The following LRPPRC variants were observed in gnomAD, a reference collection of about 807,000 sequenced individuals.
The protein encoded by LRPPRC is leucine-rich PPR motif-containing protein, mitochondrial.
A neutral mutation model predicts 180.3 loss-of-function variants in LRPPRC; 120 were observed. The observed-to-expected ratio is 0.67, with a 90% confidence interval of 0.57 to 0.77. The LOEUF (loss-of-function observed/expected upper bound fraction) is 0.77, where lower values mean the gene tolerates loss of function less well. LRPPRC is among the 30% of genes least tolerant of loss of function. LRPPRC has a pLI of 0.00. For synonymous variants in LRPPRC, 723 were observed against 600.0 expected (o/e 1.21, Z -3.00); for missense variants, 2,012 against 1,657.2 (o/e 1.21, Z -3.72).
In LRPPRC at chr2:43,899,286, G is replaced by A. The variant is rs373493081; in HGVS notation, c.3758C>T (p.Pro1253Leu). The A allele has an allele frequency of 8.1e-6, 13 of 1,614,144 alleles. No individual in the cohort carries two copies. Among genetic ancestry groups the A allele is most frequent in the Admixed American group, 1.7e-5 (1 of 60,034 alleles). The change falls in exon 34 of 38, where the codon CCT becomes CTT. Residue 1253 changes from proline to leucine, a missense_variant. Physicochemically the swap from Pro to Leu is moderately conservative, Grantham distance 98. Coordinates refer to ENST00000260665, the MANE Select transcript of LRPPRC (RefSeq NM_133259.4). ...AAGTTGAAGGAAAAAATCAGTGACA[G>A]GTTTATAAATTGCAAACTGATTGGC... ...RLANQFAIYK[P>L]VTDFFLQLVD...
At chr2:43,977,749 T>C (rs1674124954) in intron 3 of LRPPRC, among the ~76,000 whole-genome samples, 2 of 152,142 alleles carry the variant, frequency 1.3e-5, no homozygotes, top group East Asian at 1.9e-4. Context: ...ATGAACATGA[T>C]CTATGGTATG....
chr2:43,899,314 A>G lies in LRPPRC; in HGVS notation c.3730T>C (p.Leu1244=). ...VEKISIMAER[L]ANQFAIYKPV... is the part of the protein sequence containing the mutation. ...TTATAAATTGCAAACTGATTGGCCA[A>G]TCTCTCCGCCATGATGCTTACTGGA... Residue 1244 remains leucine, a synonymous_variant, in exon 34 of 38, where the codon TTG becomes CTG. Transcript: ENST00000260665. 6.2e-7 allele frequency: 1 copy of G among 1,614,048 alleles called. No homozygotes were observed. The highest frequency in any genetic ancestry group is 8.5e-7 in the Non-Finnish European group (1 of 1,179,912).
chr2:43,921,298 A>T (rs1308695311), intron 27 of LRPPRC, among the ~76,000 whole-genome samples: 1 of 152,162 alleles, frequency 6.6e-6, no homozygotes, highest in Non-Finnish European at 1.5e-5. Context: ...ACAAATAAGG[A>T]CTAAAATAAA....
chr2:43,982,345 G>C lies in LRPPRC; in HGVS notation c.239C>G (p.Ser80Cys). Residue 80 changes from serine to cysteine, a missense_variant, in exon 2 of 38, where the codon TCC becomes TGC. Coordinates refer to ENST00000260665, the MANE Select transcript of LRPPRC (RefSeq NM_133259.4). ...EESTFSSRKI[S>C]NQFDWALMRL... ...CATTAGAGCCCAATCAAACTGATTGGAAATCTTCCTAGAAGAAAAAGTGGA... is the reference window on the plus strand; with the variant it reads ...CATTAGAGCCCAATCAAACTGATTGCAAATCTTCCTAGAAGAAAAAGTGGA... 1.2e-6 allele frequency: 2 copies of C among 1,613,556 alleles called. No individual in the cohort carries two copies. Among genetic ancestry groups the C allele is most frequent in the African/African-American group, 2.7e-5 (2 of 75,012 alleles).
At chr2:43,889,017 C>A (rs540605226) in intron 37 of LRPPRC, among the ~76,000 whole-genome samples, 1 of 152,166 alleles carries the variant, frequency 6.6e-6, no homozygotes, top group Non-Finnish European at 1.5e-5. Context: ...TATGTGATTT[C>A]TCTTATTAAA....
At chr2:43,953,933 G>A (rs1354581344) in intron 14 of LRPPRC, among the ~76,000 whole-genome samples, 2 of 152,200 alleles carry the variant, frequency 1.3e-5, no homozygotes, top group African/African-American at 4.8e-5. Context: ...ACTTTGGGAG[G>A]CCAAGGCTGG....
At chr2:43,982,057 G>A (rs746368570) in intron 2 of LRPPRC, among the ~76,000 whole-genome samples, 181 bp downstream of exon 2, 11 of 152,058 alleles carry the variant, frequency 7.2e-5, no homozygotes, top group South Asian at 2.1e-4. Context: ...ACAGGCACGC[G>A]CCACCATGCC....
chr2:43,971,280 A>T (rs1673792166), intron 11 of LRPPRC, among the ~76,000 whole-genome samples: 1 of 151,898 alleles, frequency 6.6e-6, no homozygotes, highest in Non-Finnish European at 1.5e-5. Flanking sequence ...AGTCAGGCCA[A>T]CTGGCTAGAG....
chr2:43,987,474 G>A (rs181477031), intron 1 of LRPPRC, among the ~76,000 whole-genome samples: 40 of 112,674 alleles, frequency 3.6e-4, no homozygotes, highest in African/African-American at 1.4e-3. Context: ...CAGGCCGGGC[G>A]ACAGAGCCAG....
At chr2:43,948,260 G>T (rs1459504019) in intron 17 of LRPPRC, 61 bp from the exon 18 acceptor site, 3 of 1,007,182 alleles carry the variant, frequency 3.0e-6, no homozygotes, top group Non-Finnish European at 4.8e-6. Flanking sequence ...ACTGAAATTT[G>T]TCTAACAGAA....
At chr2:43,904,001 G>A (rs1670977841) in intron 31 of LRPPRC, 1 of 152,216 alleles carries the variant, frequency 6.6e-6, no homozygotes, top group Admixed American at 6.6e-5. Context: ...TGAGTGCAGT[G>A]GCACCATCAT....
chr2:43,965,637 A>G (rs1045248939), intron 11 of LRPPRC, among the ~76,000 whole-genome samples: 1 of 152,212 alleles, frequency 6.6e-6, no homozygotes, highest in Non-Finnish European at 1.5e-5. Context: ...TACCTAAAAT[A>G]TATAATAAGG....
intron 11 of LRPPRC, among the ~76,000 whole-genome samples, chr2:43,966,414 ATT>A (rs70965324): frequency 6.8e-6 from 1 of 147,180 alleles, no homozygotes; most frequent in Non-Finnish European, 1.5e-5. Flanking sequence ...TGGCCACAAT[ATT>A]TTTTTTTTTT....
intron 36 of LRPPRC, among the ~76,000 whole-genome samples, chr2:43,892,130 G>GATT: frequency 6.6e-6 from 1 of 152,344 alleles, no homozygotes; most frequent in East Asian, 1.9e-4. Context: ...AGCAAATGCT[G>GATT]ATGCAGAAGC....
intron 30 of LRPPRC, among the ~76,000 whole-genome samples, chr2:43,908,383 A>G (rs556383920): frequency 6.6e-6 from 1 of 152,364 alleles, no homozygotes; most frequent in African/African-American, 2.4e-5. Context: ...AGTTACTATT[A>G]CTTTAGAGGT....
At chr2:43,908,817 G>A (rs1490345990) in intron 30 of LRPPRC, among the ~76,000 whole-genome samples, 4 of 152,166 alleles carry the variant, frequency 2.6e-5, no homozygotes, top group Non-Finnish European at 5.9e-5. Flanking sequence ...ACGAACCACT[G>A]AGCCACCATG....
intron 11 of LRPPRC, among the ~76,000 whole-genome samples, chr2:43,967,105 A>T (rs909359170): frequency 2.6e-5 from 4 of 152,064 alleles, no homozygotes; most frequent in African/African-American, 9.7e-5. Context: ...ATGTGTACAC[A>T]TATCAAAATG....
intron 34 of LRPPRC, among the ~76,000 whole-genome samples, chr2:43,898,412 G>A (rs543354160): frequency 1.3e-5 from 2 of 152,096 alleles, no homozygotes; most frequent in African/African-American, 2.4e-5. Flanking sequence ...TTGGTCCCAC[G>A]CCTCAATTTG....
rs962269057 is a variant in LRPPRC at position 43,960,679 on chromosome 2, A to G, written c.1489-45T>C. 4.4e-6 allele frequency: 4 copies of G among 899,394 alleles called. No homozygotes were observed. In the Admixed American group the frequency reaches 5.1e-5, roughly 11 times the overall value. The allele number at this position is 899,394 out of a possible 1,614,324, so 55.7% of individuals were successfully genotyped here. A position where few individuals can be genotyped will look rare whatever the true frequency, so the allele number is the denominator to read the frequency against. ...CAATGAGAATACATCTCAGCTAACA[A>G]TATTTTGATAAGCCAAAGATCCTGT... On this transcript the variant is annotated intron_variant, in intron 12 of 37. Coordinates refer to ENST00000260665, the MANE Select transcript of LRPPRC (RefSeq NM_133259.4).
Sources: gnomAD v4.1 joint callset for allele counts (sites outside exome capture counted in the v4.1 genomes callset) on GRCh38, gnomAD v4.1.1 for gene constraint, MANE v1.5 for transcripts, NCBI Gene and HGNC (gene_info 2026-07-23, HGNC 2026-07-21) for gene names.